The following MARCHF1 variants were observed in gnomAD, a reference collection of about 807,000 sequenced individuals.
MARCHF1 encodes E3 ubiquitin-protein ligase MARCHF1.
A neutral mutation model predicts 54.2 loss-of-function variants in MARCHF1; 40 were observed. The ratio of observed to expected loss-of-function variants is 0.74; its 90% CI spans 0.57 to 0.96. The LOEUF (loss-of-function observed/expected upper bound fraction) is 0.96, where lower values mean the gene tolerates loss of function less well. Among genes scored for constraint, MARCHF1 ranks in the 40% least tolerant of loss-of-function variants. MARCHF1 has a pLI of 0.00. For synonymous variants in MARCHF1, 236 were observed against 236.3 expected (o/e 1.00, Z 0.01); for missense variants, 586 against 656.5 (o/e 0.89, Z 1.17).
Position 164,261,050 on chromosome 4 carries a change from A to G in MARCHF1, c.-323+122820T>C, listed in dbSNP as rs191361278. 7.2e-3 allele frequency among the ~76,000 whole-genome samples: 1,101 copies of G among 152,192 alleles called. 8 individuals are homozygous for G. The highest frequency in any genetic ancestry group is 0.023 in the South Asian group (109 of 4,822). On this transcript the variant is annotated intron_variant, in intron 1 of 9. Transcript: ENST00000514618. ...AAATAAAAGAGAGATTTGGACATAG[A>G]GAAAGGCACACGGGGAGGATGCCAT...
chr4:163,731,314 C>A (rs1332709983), intron 4 of MARCHF1, among the ~76,000 whole-genome samples: 1 of 152,132 alleles, frequency 6.6e-6, no homozygotes, highest in Non-Finnish European at 1.5e-5. Context: ...AACAATACAG[C>A]AACACAGGCC....
chr4:164,009,028 T>C (rs1009044269), intron 2 of MARCHF1, among the ~76,000 whole-genome samples: 1 of 151,806 alleles, frequency 6.6e-6, no homozygotes, highest in Non-Finnish European at 1.5e-5. Context: ...ATAAACACGG[T>C]GTTTGGAAAA....
At chr4:164,039,725 T>C (rs1226354991) in intron 2 of MARCHF1, among the ~76,000 whole-genome samples, 2 of 152,050 alleles carry the variant, frequency 1.3e-5, no homozygotes, top group Admixed American at 6.6e-5. Flanking sequence ...TGTAGTACAA[T>C]GCTGCTTGAC....
intron 3 of MARCHF1, among the ~76,000 whole-genome samples, chr4:163,873,097 T>A (rs1233815177): frequency 6.7e-6 from 1 of 149,622 alleles, no homozygotes; most frequent in Non-Finnish European, 1.5e-5. Flanking sequence ...ACAAAAAAAA[T>A]GATGAAGTCA....
At chr4:164,354,565 C>T (rs910722617) in intron 1 of MARCHF1, among the ~76,000 whole-genome samples, 9 of 136,908 alleles carry the variant, frequency 6.6e-5, no homozygotes, top group Non-Finnish European at 1.4e-4. Context: ...ATTCAACAAC[C>T]CTTCATGCTA....
chr4:164,265,705 C>T (rs1325621232), intron 1 of MARCHF1, among the ~76,000 whole-genome samples: 1 of 151,978 alleles, frequency 6.6e-6, no homozygotes, highest in African/African-American at 2.4e-5. Context: ...TGTCTCTTTC[C>T]CAGATCCAGC....
intron 2 of MARCHF1, among the ~76,000 whole-genome samples, chr4:164,046,152 G>A (rs1001114212): frequency 6.6e-6 from 1 of 152,230 alleles, no homozygotes; most frequent in Non-Finnish European, 1.5e-5. Flanking sequence ...CATTAGGAGA[G>A]GAACTTCAAG....
At chr4:163,775,419 C>T (rs1016307575) in intron 4 of MARCHF1, among the ~76,000 whole-genome samples, 5 of 152,100 alleles carry the variant, frequency 3.3e-5, no homozygotes, top group African/African-American at 1.2e-4. Context: ...TTGCTTGGTA[C>T]CATGTCCCCT....
chr4:163,679,509 T>A (rs183867735), intron 5 of MARCHF1, among the ~76,000 whole-genome samples: 1 of 152,126 alleles, frequency 6.6e-6, no homozygotes, highest in Non-Finnish European at 1.5e-5. Context: ...ACTCCTTACA[T>A]AAGTGACCTT....
At chr4:163,873,989 T>C (rs1750235738) in intron 3 of MARCHF1, among the ~76,000 whole-genome samples, 1 of 152,236 alleles carries the variant, frequency 6.6e-6, no homozygotes, top group Admixed American at 6.5e-5. Context: ...GTTCAACTCT[T>C]ATTTTTTAAA....
At chr4:164,362,763 C>G (rs887740959) in intron 1 of MARCHF1, among the ~76,000 whole-genome samples, 1 of 152,012 alleles carries the variant, frequency 6.6e-6, no homozygotes, top group African/African-American at 2.4e-5. Context: ...TAAATTTTTG[C>G]CATGGCTAGA....
intron 3 of MARCHF1, among the ~76,000 whole-genome samples, chr4:163,954,543 T>C (rs1462529377): frequency 6.6e-6 from 1 of 152,326 alleles, no homozygotes; most frequent in Non-Finnish European, 1.5e-5. Context: ...CTTTCCTTTA[T>C]AGAATTTTCA....
At position 164,186,807 on chromosome 4, in the gene MARCHF1, T is replaced by A. The variant is rs1730982345; in HGVS notation, c.-322-75145A>T. 2.0e-5 allele frequency among the ~76,000 whole-genome samples: 3 copies of A among 152,188 alleles called. No homozygotes were observed. In the South Asian group the frequency reaches 6.2e-4, roughly 32 times the overall value. ...CAGGTTCTTTGTAATATAATGGTTA[T>A]TCTTAAGTACGCTACCTGTGGACAG... On this transcript the variant is annotated intron_variant, in intron 1 of 9. Coordinates refer to ENST00000514618, the MANE Select transcript of MARCHF1 (RefSeq NM_001394959.1).
chr4:163,649,650 A>G (rs1015855233), intron 5 of MARCHF1, among the ~76,000 whole-genome samples: 1 of 151,954 alleles, frequency 6.6e-6, no homozygotes, highest in African/African-American at 2.4e-5. Context: ...AGAACAAATA[A>G]ACAGAACACA....
intron 3 of MARCHF1, among the ~76,000 whole-genome samples, chr4:163,946,999 C>T (rs1156870920): frequency 6.6e-6 from 1 of 152,068 alleles, no homozygotes; most frequent in Non-Finnish European, 1.5e-5. Flanking sequence ...GTAGGCAGCA[C>T]TTACCTTTTA....
intron 1 of MARCHF1, among the ~76,000 whole-genome samples, chr4:164,281,910 G>A (rs1734035801): frequency 7.0e-6 from 1 of 142,622 alleles, no homozygotes; most frequent in Non-Finnish European, 1.5e-5. Context: ...GCAAAACTCA[G>A]TCATATCCAT....
chr4:163,676,010 A>T (rs1300004315), intron 5 of MARCHF1, among the ~76,000 whole-genome samples: 1 of 142,444 alleles, frequency 7.0e-6, no homozygotes, highest in African/African-American at 2.7e-5. Context: ...ACTTCATGTG[A>T]TATTATTTAG....
chr4:164,126,423 T>C (rs1213265628), intron 1 of MARCHF1, among the ~76,000 whole-genome samples: 1 of 152,172 alleles, frequency 6.6e-6, no homozygotes, highest in African/African-American at 2.4e-5. Context: ...AGAAATTCCT[T>C]TTGTTGATAA....
At chr4:163,862,568 G>C (rs920925899) in intron 3 of MARCHF1, among the ~76,000 whole-genome samples, 22 of 152,002 alleles carry the variant, frequency 1.4e-4, no homozygotes, top group African/African-American at 5.3e-4. Flanking sequence ...TACTGACAAG[G>C]ATGCCAAGCA....
Sources: gnomAD v4.1 joint callset for allele counts (sites outside exome capture counted in the v4.1 genomes callset) on GRCh38, gnomAD v4.1.1 for gene constraint, MANE v1.5 for transcripts, NCBI Gene and HGNC (gene_info 2026-07-23, HGNC 2026-07-21) for gene names.